The following ERCC6 variants were observed in gnomAD, a reference collection of about 807,000 sequenced individuals.
ERCC6 encodes the protein ERCC excision repair 6, chromatin remodeling factor, also known as DNA excision repair protein ERCC-6.
Under a neutral mutation model 158.7 loss-of-function variants are expected in ERCC6, and 116 were observed. The observed-to-expected ratio is 0.73, with a 90% confidence interval of 0.63 to 0.85. The LOEUF is 0.85. Ranked by LOEUF, ERCC6 falls within the 40% of genes least tolerant of loss-of-function variation. The pLI is 0.00. For missense variants in ERCC6, 1,698 were observed against 1,799.4 expected, an observed-to-expected ratio of 0.94 and a Z score of 1.02; for synonymous variants, 678 against 659.3, an observed-to-expected ratio of 1.03 and a Z score of -0.43.
chr10:49,485,251 G>A (rs1360266043), intron 8 of ERCC6, among the ~76,000 whole-genome samples: 1 of 152,182 alleles, frequency 6.6e-6, no homozygotes, highest in African/African-American at 2.4e-5. Context: ...CTTGGAAATG[G>A]TAACTAATGT....
At chr10:49,487,995 A>C (rs988342340) in intron 8 of ERCC6, among the ~76,000 whole-genome samples, 1 of 152,206 alleles carries the variant, frequency 6.6e-6, no homozygotes, top group Non-Finnish European at 1.5e-5. Context: ...AGCTGCCTAG[A>C]CTGGAGTTTC....
intron 18 of ERCC6, among the ~76,000 whole-genome samples, chr10:49,469,878 T>C (rs1850741274): frequency 6.6e-6 from 1 of 152,238 alleles, no homozygotes; most frequent in African/African-American, 2.4e-5. Flanking sequence ...ATGTAGCATA[T>C]AGCATGTAAA....
chr10:49,532,398 G>A, intron 2 of ERCC6, 145 bp downstream of exon 2: 1 of 1,283,922 alleles, frequency 7.8e-7, no homozygotes, highest in Non-Finnish European at 1.1e-6. Flanking sequence ...AGATGAGGTT[G>A]AGGACTGCCC....
chr10:49,522,455 T>C (rs920423077), intron 5 of ERCC6, among the ~76,000 whole-genome samples: 4 of 152,236 alleles, frequency 2.6e-5, no homozygotes, highest in Middle Eastern at 3.2e-3. Flanking sequence ...TTAAGAGTTA[T>C]TGATATTTCT....
At chr10:49,491,276 T>C (rs1338936088) in intron 8 of ERCC6, among the ~76,000 whole-genome samples, 1 of 152,228 alleles carries the variant, frequency 6.6e-6, no homozygotes, top group African/African-American at 2.4e-5. Flanking sequence ...CATATAAAAG[T>C]ACATATTTTT....
At chr10:49,519,456 C>T (rs1837087011) in intron 5 of ERCC6, among the ~76,000 whole-genome samples, 1 of 152,156 alleles carries the variant, frequency 6.6e-6, no homozygotes, top group African/African-American at 2.4e-5. Flanking sequence ...AAAATAGGGA[C>T]TCATCAGAAG....
chr10:49,510,741 C>T (rs1004388597), intron 5 of ERCC6, among the ~76,000 whole-genome samples: 8 of 152,070 alleles, frequency 5.3e-5, no homozygotes, highest in East Asian at 1.9e-4. Flanking sequence ...GTTCATAATT[C>T]GGTTAGGGAA....
rs1850496840 is a variant in ERCC6, at chr10:49,457,158, A to AC, written c.*1656dup. 6.6e-6 allele frequency: 1 copy of AC among 152,200 alleles called. No homozygotes were observed. Among genetic ancestry groups the AC allele is most frequent in the Non-Finnish European group, 1.5e-5 (1 of 68,038 alleles). 9.4% of individuals were successfully genotyped at this position (152,200 alleles called of 1,614,324 possible). A position where few individuals can be genotyped will look rare whatever the true frequency, so the allele number is the denominator to read the frequency against. On this transcript the variant is annotated 3_prime_UTR_variant, in exon 21 of 21. Transcript: ENST00000355832. ...AATAGAAATTAAGAGCTCCCCAGAAACAAACCACTTAGTCAAAAAGGAAGG... is the reference window on the plus strand; with the variant it reads ...AATAGAAATTAAGAGCTCCCCAGAAACCAAACCACTTAGTCAAAAAGGAAGG...
chr10:49,448,439 C>A, the ERCC6 span, among the ~76,000 whole-genome samples: 1 of 152,144 alleles, frequency 6.6e-6, no homozygotes. Context: ...TATTTATTAA[C>A]AACTGTACTG....
rs141372606 is a variant in ERCC6, at chr10:49,530,733, T to C, written c.530A>G (p.Gln177Arg). 252 of 1,613,468 alleles carry C rather than the reference T, an allele frequency of 1.6e-4. No homozygotes were observed. Among genetic ancestry groups the C allele is most frequent in the Non-Finnish European group, 2.0e-4 (234 of 1,179,814 alleles). The change falls in exon 3 of 21, where the codon CAG becomes CGG. Residue 177 changes from glutamine (Q) to arginine (R), a missense_variant. Coordinates refer to ENST00000355832, the MANE Select transcript of ERCC6 (RefSeq NM_000124.4). ...INRKLDSVKR[Q>R]KYNKEQQLKK... ...ATTCTGAATCACCTTATTATACTTC[T>C]GTCGTTTTACAGAATCTAGTTTCCT...
chr10:49,514,666 T>A (rs1039884997), intron 5 of ERCC6, among the ~76,000 whole-genome samples: 3 of 152,218 alleles, frequency 2.0e-5, no homozygotes, highest in African/African-American at 7.2e-5. Flanking sequence ...AACCTCAAGA[T>A]CATTCTCTAC....
intron 5 of ERCC6, among the ~76,000 whole-genome samples, chr10:49,508,715 A>AT (rs1449516153): frequency 2.6e-5 from 4 of 152,158 alleles, no homozygotes; most frequent in African/African-American, 9.7e-5. Flanking sequence ...CTTCTGTTAC[A>AT]TAAGCAATAC....
chr10:49,533,458 T>G (rs1003116746), intron 1 of ERCC6, among the ~76,000 whole-genome samples: 1 of 152,160 alleles, frequency 6.6e-6, no homozygotes, highest in African/African-American at 2.4e-5. Context: ...ACCTATCCAG[T>G]AAATAGGAGC....
At chr10:49,533,254 T>G (rs1347307219) in intron 1 of ERCC6, among the ~76,000 whole-genome samples, 1 of 152,208 alleles carries the variant, frequency 6.6e-6, no homozygotes, top group Admixed American at 6.5e-5. Context: ...ACCAAAATCC[T>G]GGGGTGATGG....
At chr10:49,449,560 C>CTTT (rs71026248), downstream of ERCC6, among the ~76,000 whole-genome samples, 111 of 68,060 alleles carry the variant, frequency 1.6e-3, 20 homozygotes, top group African/African-American at 3.7e-3. Context: ...ATAGTTAGGT[C>CTTT]TTTTTTTTTT....
chr10:49,447,621 G>A, the ERCC6 span, among the ~76,000 whole-genome samples: 21 of 151,876 alleles, frequency 1.4e-4, no homozygotes, highest in Non-Finnish European at 2.2e-4. Flanking sequence ...GGAGAATGGC[G>A]TGAACCTGGG....
rs369488242 is a variant in ERCC6 at position 49,482,682 on chromosome 10, T to G, written c.2169+5A>C. 5 of 1,613,202 alleles carry G rather than the reference T, an allele frequency of 3.1e-6. No individual in the cohort carries two copies. Among genetic ancestry groups the G allele is most frequent in the Non-Finnish European group, 4.2e-6 (5 of 1,179,408 alleles). Reference sequence around the variant, plus strand: ...GCCAAAAGTATTATCATCCTAATATTTTACCTGTACTGGGGAAGCATTTGA... The same window carrying G: ...GCCAAAAGTATTATCATCCTAATATGTTACCTGTACTGGGGAAGCATTTGA... On this transcript the variant is annotated splice_donor_5th_base_variant and intron_variant, in intron 10 of 20. Transcript: ENST00000355832.
At chr10:49,468,268 T>C (rs1021813647) in intron 18 of ERCC6, among the ~76,000 whole-genome samples, 3 of 152,212 alleles carry the variant, frequency 2.0e-5, no homozygotes, top group African/African-American at 7.2e-5. Context: ...TATCGTCTCT[T>C]GCATGTGAAT....
intron 18 of ERCC6, among the ~76,000 whole-genome samples, chr10:49,469,045 G>A (rs948053589): frequency 1.3e-5 from 2 of 152,074 alleles, no homozygotes; most frequent in African/African-American, 4.8e-5. Flanking sequence ...AAATAAGAGA[G>A]AAGGAAAACC....
Sources: allele counts gnomAD v4.1 joint callset (sites outside exome capture counted in the v4.1 genomes callset), GRCh38; gene constraint gnomAD v4.1.1; transcripts MANE v1.5; gene names NCBI Gene and HGNC (gene_info 2026-07-23, HGNC 2026-07-21).